Variants in ASB10 observed in about 807,000 individuals in gnomAD.
ASB10 encodes ankyrin repeat and SOCS box containing 10, also known as ankyrin repeat and SOCS box protein 10.
ASB10 carries 44 observed loss-of-function variants against 35.4 expected under a neutral mutation model. The observed-to-expected ratio is 1.24, with a 90% CI of 0.98 to 1.60. The LOEUF is 1.60. Ranked by LOEUF, ASB10 falls within the 40% of genes most tolerant of loss-of-function variation. The probability of loss-of-function intolerance (pLI) is 0.00; values close to 1 mark genes in which losing one functional copy is unlikely to be tolerated. For synonymous variants in ASB10, 294 were observed against 280.4 expected (o/e 1.05, Z -0.49); for missense variants, 647 against 634.3 (o/e 1.02, Z -0.22).
rs771694354 is a variant in ASB10 at position 151,180,989 on chromosome 7, C to T, written c.1054G>A (p.Ala352Thr). The change falls in exon 3 of 6, where the codon GCT becomes ACT. Residue 352 changes from alanine to threonine, a missense_variant. Transcript: ENST00000420175. ...LAQSPEHVVR[A>T]LLNHGAVRVW... ...CGGACGGCGCCATGGTTGAGCAGAG[C>T]CCGAACCACGTGCTCGGGGCTCTGG... 11 of 1,594,638 alleles carry T rather than the reference C, an allele frequency of 6.9e-6. No individual in the cohort carries two copies. Among genetic ancestry groups the T allele is most frequent in the Non-Finnish European group, 9.4e-6 (11 of 1,167,398 alleles).
Position 151,175,794 on chromosome 7 carries a change from C to T in ASB10, c.*173G>A. 3 of 372,986 alleles carry T rather than the reference C, an allele frequency of 8.0e-6. No homozygotes were observed. Among genetic ancestry groups the T allele is most frequent in the Non-Finnish European group, 9.7e-6 (2 of 205,680 alleles). 23.1% of individuals were successfully genotyped at this position (372,986 alleles called of 1,614,324 possible). On this transcript the variant is annotated 3_prime_UTR_variant, in exon 6 of 6. Coordinates refer to ENST00000420175, the MANE Select transcript of ASB10 (RefSeq NM_001142459.2). ...GTAGGAGTGTGTCTTCATCAGACAT[C>T]ACCCGGCTGCCGCTGTCGGTCCGCT...
In ASB10 at chr7:151,187,217, G is replaced by A; in HGVS notation, c.-87C>T. ...AGAGAGCAGGAGGGAAATACAGACA[G>A]ACAGAAGGCCCCTGTGTCCCACGCT... On this transcript the variant is annotated 5_prime_UTR_variant, in exon 1 of 6. Coordinates refer to ENST00000420175, the MANE Select transcript of ASB10 (RefSeq NM_001142459.2). This position sits in a 1 kb window ranked among gnomAD's most constrained non-coding sequence, Gnocchi z 5.3. 6.5e-7 allele frequency: 1 copy of A among 1,541,120 alleles called. No homozygotes were observed.
At chr7:151,186,773 C>G in intron 1 of ASB10, 42 bp downstream of exon 1, 2 of 1,539,138 alleles carry the variant, frequency 1.3e-6, no homozygotes, top group Non-Finnish European at 1.8e-6. Flanking sequence ...TCTGCAGCCT[C>G]CCCTCTCTCC....
intron 2 of ASB10, among the ~76,000 whole-genome samples, chr7:151,185,419 A>G (rs1361929418): frequency 6.6e-6 from 1 of 151,966 alleles, no homozygotes; most frequent in Non-Finnish European, 1.5e-5. Context: ...GTGCCCGGCC[A>G]TTTGTCATTT....
Position 151,187,243 on chromosome 7 carries a change from C to T in ASB10, c.-113G>A. ...ACAGAAGGCCCCTGTGTCCCACGCT[C>T]CGAGGCTGACCTGGCCACGCATCCA... On this transcript the variant is annotated 5_prime_UTR_variant, in exon 1 of 6. Transcript: ENST00000420175. This position sits in a 1 kb window ranked among gnomAD's most constrained non-coding sequence, Gnocchi z 5.3. 6.6e-7 allele frequency: 1 copy of T among 1,523,290 alleles called. No individual in the cohort carries two copies. The highest frequency in any genetic ancestry group is 1.3e-5 in the South Asian group (1 of 78,358). The allele number at this position is 1,523,290 out of a possible 1,614,324, so 94.4% of individuals were successfully genotyped here. A position where few individuals can be genotyped will look rare whatever the true frequency, so the allele number is the denominator to read the frequency against.
Position 151,180,984 on chromosome 7 carries a change from C to A in ASB10, c.1059G>T (p.Leu353=). Residue 353 remains leucine, a synonymous_variant, in exon 3 of 6, where the codon CTG becomes CTT. Transcript: ENST00000420175. The part of the protein sequence containing the change: ...AQSPEHVVRA[L]LNHGAVRVWP... ...AGACACGGACGGCGCCATGGTTGAG[C>A]AGAGCCCGAACCACGTGCTCGGGGC... is the stretch of plus-strand genomic sequence containing the variant. 1.9e-6 allele frequency: 3 copies of A among 1,588,418 alleles called. No individual in the cohort carries two copies. The highest frequency in any genetic ancestry group is 1.1e-5 in the South Asian group (1 of 89,854).
rs1430961942 is a variant in ASB10, at chr7:151,181,156, C to T, written c.887G>A (p.Arg296Gln). Residue 296 changes from arginine (R) to glutamine (Q), a missense_variant, in exon 3 of 6, where the codon CGA becomes CAA. Arg to Gln is a conservative substitution (Grantham distance 43, BLOSUM62 1). Transcript: ENST00000420175. ...ACGGCGGCAGGCCAGGTGCAGGGGT[C>T]GCTGCTTGTCCTGGTCCGCAGCATC... The part of the protein sequence containing the change: ...DADAADQDKQ[R>Q]PLHLACRRGH... 18 of 1,609,828 alleles carry T rather than the reference C, an allele frequency of 1.1e-5. 1 individual carries two copies. In the Middle Eastern group the frequency reaches 5.0e-4, roughly 44 times the overall value.
At chr7:151,184,399 TAAA>T (rs34834457) in intron 2 of ASB10, among the ~76,000 whole-genome samples, 5 of 135,348 alleles carry the variant, frequency 3.7e-5, no homozygotes, top group Admixed American at 7.5e-5. Flanking sequence ...GGCGACAGAG[TAAA>T]AAAAAAAAAA....
At chr7:151,180,453 C>A (rs1234341925) in intron 3 of ASB10, among the ~76,000 whole-genome samples, 2 of 152,090 alleles carry the variant, frequency 1.3e-5, no homozygotes, top group Non-Finnish European at 2.9e-5. Flanking sequence ...ACAGGCTCAC[C>A]CTCTTCCCTT....
At chr7:151,180,296 G>T (rs530577536) in intron 3 of ASB10, among the ~76,000 whole-genome samples, 2 of 152,340 alleles carry the variant, frequency 1.3e-5, no homozygotes, top group African/African-American at 4.8e-5. Flanking sequence ...AGATAAAGTA[G>T]GATATAAATT....
upstream of ASB10, chr7:151,187,607 C>T (rs104886467): frequency 4.1e-5 from 63 of 1,543,214 alleles, no homozygotes; most frequent in African/African-American, 1.5e-4. The surrounding 1 kb of genome is among the most constrained non-coding windows in gnomAD (Gnocchi z 5.3). Context: ...TGGTGATGGC[C>T]GAGGGGGCTC....
At chr7:151,184,602 T>G (rs1231394369) in intron 2 of ASB10, among the ~76,000 whole-genome samples, 4 of 150,892 alleles carry the variant, frequency 2.7e-5, no homozygotes, top group Admixed American at 6.6e-5. Context: ...CAGGGTGGGG[T>G]GGGTGGTTAG....
Position 151,187,002 on chromosome 7 carries a change from C to G in ASB10, c.129G>C (p.Pro43=). The part of the protein sequence containing the change: ...RGSEEHLKSG[P]GPIVTRTASG... ...AGGCTGTGCGGGTGACGATGGGTCC[C>G]GGGCCAGACTTGAGGTGCTCCTCAG... The change falls in exon 1 of 6, where the codon CCG becomes CCC. Residue 43 remains proline (P), a synonymous_variant. Coordinates refer to ENST00000420175, the MANE Select transcript of ASB10 (RefSeq NM_001142459.2). The surrounding 1 kb of genome is among the most constrained non-coding windows in gnomAD (Gnocchi z 5.3). 6.2e-7 allele frequency: 1 copy of G among 1,611,022 alleles called. No homozygotes were observed. The highest frequency in any genetic ancestry group is 8.5e-7 in the Non-Finnish European group (1 of 1,177,926).
chr7:151,187,366 T>A (rs994979916), upstream of ASB10: 8 of 1,539,632 alleles, frequency 5.2e-6, no homozygotes, highest in Non-Finnish European at 6.1e-6. The surrounding 1 kb of genome is among the most constrained non-coding windows in gnomAD (Gnocchi z 5.3). Flanking sequence ...CGGGGGCTTC[T>A]CCTTTCACTC....
chr7:151,175,717 A>G lies in ASB10; in HGVS notation c.*250T>C, dbSNP rs1223607711. ...ACCAAACACAGACCTGGAGATTTTTAATGCACATACAGGGTTTGCACAGGC... is the reference window on the plus strand; with the variant it reads ...ACCAAACACAGACCTGGAGATTTTTGATGCACATACAGGGTTTGCACAGGC... On this transcript the variant is annotated 3_prime_UTR_variant, in exon 6 of 6. Coordinates refer to ENST00000420175, the MANE Select transcript of ASB10 (RefSeq NM_001142459.2). The G allele has an allele frequency of 5.6e-6, 1 of 179,388 alleles. No individual in the cohort carries two copies. The highest frequency in any genetic ancestry group is 1.2e-5 in the Non-Finnish European group (1 of 86,026). The allele number at this position is 179,388 out of a possible 1,614,324, so 11.1% of individuals were successfully genotyped here.
In ASB10 at chr7:151,181,473, CGGT is replaced by C; in HGVS notation, c.585-18_585-16del. The C allele has an allele frequency of 1.9e-6, 3 of 1,563,768 alleles. No individual in the cohort carries two copies. The highest frequency in any genetic ancestry group is 2.6e-6 in the Non-Finnish European group (3 of 1,149,732). On this transcript the variant is annotated splice_polypyrimidine_tract_variant and intron_variant, in intron 2 of 5. Transcript: ENST00000420175. ...GCTCCGCACACCTATTGGGGGGAGA[CGGT>C]GGTGGGGAGGAAAGCGGGCACGGAC...
At chr7:151,177,601 G>A (rs888871585) in intron 3 of ASB10, among the ~76,000 whole-genome samples, 8 of 147,226 alleles carry the variant, frequency 5.4e-5, no homozygotes, top group African/African-American at 2.0e-4. Context: ...GGGGGCCAGG[G>A]AGTGGGGTGG....
At chr7:151,183,140 T>G (rs1347502101) in intron 2 of ASB10, among the ~76,000 whole-genome samples, 1 of 152,174 alleles carries the variant, frequency 6.6e-6, no homozygotes, top group Non-Finnish European at 1.5e-5. Flanking sequence ...TGCTTGCCTT[T>G]TTTTCTTCTT....
chr7:151,184,325 A>G, intron 2 of ASB10, among the ~76,000 whole-genome samples: 1 of 151,984 alleles, frequency 6.6e-6, no homozygotes, highest in East Asian at 1.9e-4. Context: ...AGGCGGGAGA[A>G]TGGCGTGAAC....
Sources: allele counts gnomAD v4.1 joint callset (sites outside exome capture counted in the v4.1 genomes callset), GRCh38; gene constraint gnomAD v4.1.1; non-coding constraint Gnocchi (gnomAD v3.1); transcripts MANE v1.5; gene names NCBI Gene and HGNC (gene_info 2026-07-23, HGNC 2026-07-21).